The following BBS9 variants were observed in gnomAD, a reference collection of about 807,000 sequenced individuals.
The protein encoded by BBS9 is Bardet-Biedl syndrome 9.
BBS9 carries 89 observed loss-of-function variants against 117.7 expected under a neutral mutation model. The observed-to-expected ratio is 0.76, with a 90% CI of 0.64 to 0.90. The LOEUF is 0.90. BBS9 is among the 40% of genes least tolerant of loss of function. BBS9 has a pLI of 0.00. For synonymous variants in BBS9, 379 were observed against 370.9 expected (o/e 1.02, Z -0.25); for missense variants, 982 against 1,042.2 (o/e 0.94, Z 0.80).
chr7:33,363,656 G>C (rs1000677843), intron 16 of BBS9, among the ~76,000 whole-genome samples: 1 of 151,508 alleles, frequency 6.6e-6, no homozygotes, highest in Non-Finnish European at 1.5e-5. Context: ...TCACCATTAA[G>C]TATGTTTTAG....
intron 19 of BBS9, among the ~76,000 whole-genome samples, chr7:33,453,656 G>A (rs1234115235): frequency 6.6e-6 from 1 of 151,822 alleles, no homozygotes; most frequent in Non-Finnish European, 1.5e-5. Flanking sequence ...CGAGTAGCTA[G>A]GATTACAGGC....
At chr7:33,242,192 C>T (rs929709073) in intron 5 of BBS9, among the ~76,000 whole-genome samples, 4 of 152,026 alleles carry the variant, frequency 2.6e-5, no homozygotes, top group African/African-American at 9.7e-5. Context: ...TTTATGAATT[C>T]CTAGGATAGA....
intron 21 of BBS9, among the ~76,000 whole-genome samples, chr7:33,621,385 T>C (rs918535129): frequency 6.6e-6 from 1 of 152,164 alleles, no homozygotes; most frequent in Non-Finnish European, 1.5e-5. Context: ...GCAAAGGACC[T>C]GAATAGACAT....
intron 4 of BBS9, among the ~76,000 whole-genome samples, chr7:33,167,484 C>A (rs1030053904): frequency 1.2e-4 from 18 of 150,292 alleles, no homozygotes; most frequent in African/African-American, 4.4e-4. Context: ...CTCATTGCAA[C>A]CTCTGCCTCC....
intron 9 of BBS9, among the ~76,000 whole-genome samples, chr7:33,311,494 C>G (rs1031340231): frequency 6.6e-6 from 1 of 152,174 alleles, no homozygotes; most frequent in African/African-American, 2.4e-5. Context: ...TGACTTATCT[C>G]TCACTCTGTA....
chr7:33,519,457 C>T (rs1475605504), intron 20 of BBS9, among the ~76,000 whole-genome samples: 5 of 152,104 alleles, frequency 3.3e-5, no homozygotes, highest in Non-Finnish European at 7.3e-5. Flanking sequence ...GTTATGTTTT[C>T]GAGAGCCATG....
intron 19 of BBS9, among the ~76,000 whole-genome samples, chr7:33,455,794 G>T (rs1177397440): frequency 6.6e-6 from 1 of 152,178 alleles, no homozygotes; most frequent in Admixed American, 6.5e-5. Context: ...AAAAATCTGG[G>T]TTGGCCTTTC....
At chr7:33,404,437 T>C (rs1029560567) in intron 19 of BBS9, among the ~76,000 whole-genome samples, 13 of 152,010 alleles carry the variant, frequency 8.6e-5, no homozygotes, top group Non-Finnish European at 1.9e-4. Flanking sequence ...CCTTGGGCAG[T>C]ATGGCCATTT....
rs1413314665 is a variant in BBS9 at position 33,605,098 on chromosome 7, C to T, written c.2633-97C>T. 10 of 1,465,176 alleles carry T rather than the reference C, an allele frequency of 6.8e-6. No individual in the cohort carries two copies. The Admixed American group carries it at 1.2e-4, about 17-fold the overall frequency. 90.8% of individuals were successfully genotyped at this position (1,465,176 alleles called of 1,614,324 possible). On this transcript the variant is annotated intron_variant, in intron 22 of 22. Coordinates refer to ENST00000242067, the MANE Select transcript of BBS9 (RefSeq NM_198428.3). ...TTGTTTTCCAATTTCTTCATTCTTC[C>T]CCTTAGCACTGGTGCAGCTGAATTT...
At chr7:33,500,010 A>T (rs1845223273) in intron 19 of BBS9, among the ~76,000 whole-genome samples, 1 of 152,246 alleles carries the variant, frequency 6.6e-6, no homozygotes, top group African/African-American at 2.4e-5. Context: ...TAAAATCTTC[A>T]TATTTTTGAG....
intron 1 of BBS9, among the ~76,000 whole-genome samples, chr7:33,138,503 G>GA (rs1790917587): frequency 6.6e-6 from 1 of 151,138 alleles, no homozygotes; most frequent in Non-Finnish European, 1.5e-5. Context: ...GCTTTTGAGT[G>GA]ATACAGATGC....
At chr7:33,579,970 AG>A (rs762367885) in intron 21 of BBS9, among the ~76,000 whole-genome samples, 61 of 152,294 alleles carry the variant, frequency 4.0e-4, no homozygotes, top group Non-Finnish European at 7.6e-4. Context: ...TGCAGCAAAA[AG>A]TTTTATTTAA....
intron 19 of BBS9, among the ~76,000 whole-genome samples, chr7:33,455,869 A>G (rs187302446): frequency 1.3e-4 from 20 of 152,344 alleles, no homozygotes; most frequent in African/African-American, 4.8e-4. Context: ...ACATATTGTT[A>G]CGATATTAAA....
At position 33,521,902 on chromosome 7, in the gene BBS9, C is replaced by G. The variant is rs1283544572; in HGVS notation, c.2299-12052C>G. Among the ~76,000 whole-genome samples, 10 of 117,318 alleles carry G rather than the reference C, an allele frequency of 8.5e-5. No individual in the cohort carries two copies. The Admixed American group carries it at 9.7e-4, about 11-fold the overall frequency. 77.0% of individuals were successfully genotyped at this position (117,318 alleles called of 152,430 possible). On this transcript the variant is annotated intron_variant, in intron 20 of 22. Coordinates refer to ENST00000242067, the MANE Select transcript of BBS9 (RefSeq NM_198428.3). ...CCAATGCTATCCCTCCCCCCTCCCC[C>G]CACCCCACCACAGTCCCCAGAGTGT...
rs951230552 is a variant in BBS9 at position 33,574,733 on chromosome 7, A to G, written c.2522-30132A>G. On this transcript the variant is annotated intron_variant, in intron 21 of 22. Transcript: ENST00000242067. ...CACACACACACACACACACGCGCACACACACACACTTTCACTATTTATTTA... is the reference window on the plus strand; with the variant it reads ...CACACACACACACACACACGCGCACGCACACACACTTTCACTATTTATTTA... 2.3e-3 allele frequency among the ~76,000 whole-genome samples: 347 copies of G among 148,308 alleles called. 3 individuals carry two copies. The highest frequency in any genetic ancestry group is 8.0e-3 in the African/African-American group (329 of 41,014).
intron 19 of BBS9, among the ~76,000 whole-genome samples, chr7:33,504,593 A>C (rs1486907409): frequency 6.6e-6 from 1 of 152,092 alleles, no homozygotes; most frequent in Non-Finnish European, 1.5e-5. Flanking sequence ...GGCTTTTGCT[A>C]ATGCTGTTCT....
chr7:33,533,058 T>C (rs945027969), intron 20 of BBS9, among the ~76,000 whole-genome samples: 1 of 152,238 alleles, frequency 6.6e-6, no homozygotes, highest in South Asian at 2.1e-4. Flanking sequence ...TCTTACCCAG[T>C]TATTCCTGGG....
At position 33,412,604 on chromosome 7, in the gene BBS9, C is replaced by T. The variant is rs190212256; in HGVS notation, c.2115+24460C>T. On this transcript the variant is annotated intron_variant, in intron 19 of 22. Transcript: ENST00000242067. ...CTCCTTTGCTTTGACTGTGTTTTAA[C>T]TATCAAGTTGTTTTGGGACTCCCAG... Among the ~76,000 whole-genome samples the T allele has an allele frequency of 3.3e-5, 5 of 152,304 alleles. No homozygotes were observed. The East Asian group carries it at 9.6e-4, about 29-fold the overall frequency.
At chr7:33,581,556 C>G (rs1859918669) in intron 21 of BBS9, among the ~76,000 whole-genome samples, 2 of 152,226 alleles carry the variant, frequency 1.3e-5, no homozygotes, top group South Asian at 2.1e-4. Flanking sequence ...ACCTGAACAG[C>G]CTTCAGTAGT....
Sources: allele counts gnomAD v4.1 joint callset (sites outside exome capture counted in the v4.1 genomes callset), GRCh38; gene constraint gnomAD v4.1.1; transcripts MANE v1.5; gene names NCBI Gene and HGNC (gene_info 2026-07-23, HGNC 2026-07-21).